C20orf203: variants seen among roughly 807,000 people sequenced by gnomAD.
C20orf203 encodes chromosome 20 open reading frame 203, also known as uncharacterized protein C20orf203.
A neutral mutation model predicts 15.9 loss-of-function variants in C20orf203; 16 were observed. That is an observed-to-expected ratio of 1.01 (90% CI 0.68 to 1.53). The LOEUF (loss-of-function observed/expected upper bound fraction) is 1.53. C20orf203 is among the 40% of genes most tolerant of loss of function. The probability of loss-of-function intolerance (pLI) is 0.00; values close to 1 mark genes in which losing one functional copy is unlikely to be tolerated. For missense variants in C20orf203, 263 were observed against 247.5 expected (o/e 1.06, Z -0.42); for synonymous variants, 98 against 97.2 (o/e 1.01, Z -0.05).
intron 1 of C20orf203, among the ~76,000 whole-genome samples, chr20:32,667,830 C>T (rs1305167584): frequency 6.6e-6 from 1 of 152,118 alleles, no homozygotes; most frequent in Non-Finnish European, 1.5e-5. Context: ...GCCACCACAC[C>T]CAGCTAATTT....
intron 1 of C20orf203, among the ~76,000 whole-genome samples, chr20:32,664,806 C>A (rs949293789): frequency 2.6e-5 from 4 of 152,232 alleles, no homozygotes; most frequent in African/African-American, 9.6e-5. Context: ...TGCCTGAGCA[C>A]CCACACATCC....
intron 1 of C20orf203, among the ~76,000 whole-genome samples, chr20:32,669,285 T>TC: frequency 6.6e-6 from 1 of 152,140 alleles, no homozygotes; most frequent in South Asian, 2.1e-4. Flanking sequence ...CACAGCCGAT[T>TC]CCCAGGCAGG....
chr20:32,650,263 G>A lies in C20orf203; in HGVS notation c.*169C>T. On this transcript the variant is annotated 3_prime_UTR_variant, in exon 4 of 6. Coordinates refer to ENST00000608990, the MANE Select transcript of C20orf203 (RefSeq NM_182584.4). ...TGTTTGCTGAATGCCTTGAATACAA[G>A]CGCCGGTGCCCAGAATCTCCTTGAG... The A allele has an allele frequency of 1.6e-6, 1 of 609,264 alleles. No homozygotes were observed. Among genetic ancestry groups the A allele is most frequent in the Non-Finnish European group, 2.9e-6 (1 of 343,162 alleles). The allele number at this position is 609,264 out of a possible 1,614,324, so 37.7% of individuals were successfully genotyped here. A position where few individuals can be genotyped will look rare whatever the true frequency, so the allele number is the denominator to read the frequency against.
At chr20:32,639,158 A>G (rs1982211832) in intron 5 of C20orf203, among the ~76,000 whole-genome samples, 1 of 152,216 alleles carries the variant, frequency 6.6e-6, no homozygotes. Context: ...AGTCCCTGAC[A>G]GCAGACACCA....
chr20:32,662,948 T>C (rs1480690972), intron 1 of C20orf203, among the ~76,000 whole-genome samples: 10 of 126,120 alleles, frequency 7.9e-5, no homozygotes, highest in Non-Finnish European at 1.7e-4. Flanking sequence ...TAGATATAAA[T>C]ATAGTTTTTT....
intron 1 of C20orf203, among the ~76,000 whole-genome samples, chr20:32,666,797 TTATATATATATATA>T (rs34933326): frequency 1.8e-4 from 12 of 65,594 alleles, no homozygotes; most frequent in South Asian, 7.0e-4. Context: ...TAATTTTAAT[TTATATATATATATA>T]TATATATATA....
At chr20:32,653,472 C>T (rs1982687367) in intron 1 of C20orf203, among the ~76,000 whole-genome samples, 1 of 152,138 alleles carries the variant, frequency 6.6e-6, no homozygotes, top group Non-Finnish European at 1.5e-5. Flanking sequence ...GGTTCTTTGC[C>T]TCTAAAGCCT....
chr20:32,665,476 C>G (rs1010223956), intron 1 of C20orf203, among the ~76,000 whole-genome samples: 3 of 152,142 alleles, frequency 2.0e-5, no homozygotes, highest in African/African-American at 7.2e-5. Flanking sequence ...GCTGGGGAGC[C>G]CCAGTGACCA....
intron 5 of C20orf203, among the ~76,000 whole-genome samples, chr20:32,636,087 G>C (rs577703098): frequency 6.6e-6 from 1 of 152,190 alleles, no homozygotes; most frequent in Admixed American, 6.5e-5. Flanking sequence ...CATGCACACC[G>C]AGCACCCTTG....
chr20:32,672,039 C>A (rs559685250), intron 1 of C20orf203, among the ~76,000 whole-genome samples: 1 of 150,110 alleles, frequency 6.7e-6, no homozygotes, highest in Non-Finnish European at 1.5e-5. Context: ...TAAGAGGAGC[C>A]GGGGCAGTGG....
chr20:32,669,273 T>G (rs147248761), intron 1 of C20orf203, among the ~76,000 whole-genome samples: 18 of 152,282 alleles, frequency 1.2e-4, no homozygotes, highest in Non-Finnish European at 2.4e-4. Context: ...CTCCAAAGTA[T>G]GCACAGCCGA....
intron 5 of C20orf203, among the ~76,000 whole-genome samples, chr20:32,639,317 T>C (rs755159910): frequency 2.0e-5 from 3 of 152,248 alleles, no homozygotes; most frequent in Non-Finnish European, 4.4e-5. Flanking sequence ...ACAGTCTCAG[T>C]TGGACAGTAC....
intron 4 of C20orf203, 38 bp downstream of exon 4, chr20:32,649,217 A>C (rs1180643840): frequency 6.6e-6 from 1 of 152,276 alleles, no homozygotes; most frequent in Non-Finnish European, 1.5e-5. Flanking sequence ...ATTTAAAATT[A>C]GCCAGGTATG....
At chr20:32,672,416 C>T (rs1369415709) in intron 1 of C20orf203, among the ~76,000 whole-genome samples, 2 of 151,616 alleles carry the variant, frequency 1.3e-5, no homozygotes, top group Admixed American at 1.3e-4. Flanking sequence ...TACATACATA[C>T]ATATGTATTA....
At chr20:32,665,519 T>G (rs943079692) in intron 1 of C20orf203, among the ~76,000 whole-genome samples, 4 of 152,064 alleles carry the variant, frequency 2.6e-5, no homozygotes, top group Non-Finnish European at 5.9e-5. Flanking sequence ...GGGAGGGAGA[T>G]AAGGCCCTGC....
chr20:32,642,298 C>T (rs1403268669), intron 4 of C20orf203, among the ~76,000 whole-genome samples: 1 of 152,202 alleles, frequency 6.6e-6, no homozygotes, highest in Non-Finnish European at 1.5e-5. Flanking sequence ...GCAGACTTGG[C>T]CCTGCTCTGA....
intron 1 of C20orf203, among the ~76,000 whole-genome samples, chr20:32,673,232 G>A (rs767926509): frequency 6.6e-6 from 1 of 152,160 alleles, no homozygotes; most frequent in East Asian, 1.9e-4. Context: ...CTGGGCCCCT[G>A]GAGCCACAGA....
Position 32,634,195 on chromosome 20 carries a change from T to C in C20orf203, c.*1375A>G. On this transcript the variant is annotated 3_prime_UTR_variant, in exon 6 of 6. Transcript: ENST00000608990. The stretch of plus-strand genomic sequence containing the variant: ...TGGCGCAGGCACGGGCTGCTGGGGC[T>C]TGAGTTCAGGGGTTGGGGGGAGGTT... 1 of 398,528 alleles carries C rather than the reference T, an allele frequency of 2.5e-6. No individual in the cohort carries two copies. The highest frequency in any genetic ancestry group is 4.4e-6 in the Non-Finnish European group (1 of 226,084). The allele number at this position is 398,528 out of a possible 1,614,324, so 24.7% of individuals were successfully genotyped here.
chr20:32,634,252 G>T lies in C20orf203; in HGVS notation c.*1318C>A. 1 of 398,620 alleles carries T rather than the reference G, an allele frequency of 2.5e-6. No individual in the cohort carries two copies. Among genetic ancestry groups the T allele is most frequent in the South Asian group, 1.3e-4 (1 of 7,830 alleles). 24.7% of individuals were successfully genotyped at this position (398,620 alleles called of 1,614,324 possible). On this transcript the variant is annotated 3_prime_UTR_variant, in exon 6 of 6. Coordinates refer to ENST00000608990, the MANE Select transcript of C20orf203 (RefSeq NM_182584.4). ...CTGGGGGCTCTGGAAAAGCTTCCTGGAGAAGGTTATGCTGGAGTCTGGAAA... is the reference window on the plus strand; with the variant it reads ...CTGGGGGCTCTGGAAAAGCTTCCTGTAGAAGGTTATGCTGGAGTCTGGAAA...
Sources: gnomAD v4.1 joint callset for allele counts (sites outside exome capture counted in the v4.1 genomes callset) on GRCh38, gnomAD v4.1.1 for gene constraint, MANE v1.5 for transcripts, NCBI Gene and HGNC (gene_info 2026-07-23, HGNC 2026-07-21) for gene names.